Variants in NRXN3 observed in about 807,000 individuals in gnomAD.
NRXN3 encodes the protein neurexin III.
A neutral mutation model predicts 137.6 loss-of-function variants in NRXN3; 32 were observed. The observed-to-expected ratio is 0.23, with a 90% CI of 0.18 to 0.31. The LOEUF (loss-of-function observed/expected upper bound fraction) is 0.31, where lower values mean the gene tolerates loss of function less well. Ranked by LOEUF, NRXN3 falls within the 10% of genes least tolerant of loss-of-function variation. The probability of loss-of-function intolerance (pLI) is 1.00; values close to 1 mark genes in which losing one functional copy is unlikely to be tolerated. For missense variants in NRXN3, 1,574 were observed against 2,062.5 expected (o/e 0.76, Z 4.59); for synonymous variants, 798 against 784.5 (o/e 1.02, Z -0.29).
chr14:79,682,624 C>A (rs2098676211), intron 17 of NRXN3, among the ~76,000 whole-genome samples: 1 of 152,060 alleles, frequency 6.6e-6, no homozygotes, highest in Admixed American at 6.6e-5. Context: ...TCTTCAAGAT[C>A]GATACTCTCT....
intron 15 of NRXN3, among the ~76,000 whole-genome samples, chr14:79,136,393 A>G (rs2653547): frequency 0.018 from 2,690 of 152,310 alleles, 77 homozygotes; most frequent in African/African-American, 0.062. Context: ...GAAATAATCC[A>G]TAGTTTCTCC....
chr14:79,395,029 G>A (rs561992475), intron 15 of NRXN3, among the ~76,000 whole-genome samples: 1 of 152,258 alleles, frequency 6.6e-6, no homozygotes, highest in Admixed American at 6.5e-5. Context: ...ATAGAATTTA[G>A]CTTTAGCCTC....
chr14:78,277,015 A>G (rs2073696367), intron 2 of NRXN3, among the ~76,000 whole-genome samples: 1 of 152,142 alleles, frequency 6.6e-6, no homozygotes, highest in Non-Finnish European at 1.5e-5. Context: ...GAAAACCTGA[A>G]GGGGCGGTGT....
At chr14:78,334,307 G>A (rs1034174548) in intron 4 of NRXN3, among the ~76,000 whole-genome samples, 1 of 152,128 alleles carries the variant, frequency 6.6e-6, no homozygotes, top group Non-Finnish European at 1.5e-5. Flanking sequence ...TTAAAGCCAG[G>A]GCACTTTCCA....
At chr14:78,330,647 A>G (rs766428508) in intron 4 of NRXN3, among the ~76,000 whole-genome samples, 4 of 152,162 alleles carry the variant, frequency 2.6e-5, no homozygotes, top group Non-Finnish European at 5.9e-5. Context: ...GCTGAAAGCC[A>G]TTGCCATGTA....
At chr14:79,078,673 T>A (rs1201765649) in intron 15 of NRXN3, among the ~76,000 whole-genome samples, 1 of 152,216 alleles carries the variant, frequency 6.6e-6, no homozygotes, top group East Asian at 1.9e-4. Flanking sequence ...GATATATAGT[T>A]GTGTGAGATT....
chr14:78,449,127 G>C (rs1320520238), intron 4 of NRXN3, among the ~76,000 whole-genome samples: 1 of 152,116 alleles, frequency 6.6e-6, no homozygotes, highest in Non-Finnish European at 1.5e-5. Context: ...CTGATTTCTT[G>C]TCTGAACTTC....
At chr14:78,824,222 C>G (rs1401567630) in intron 10 of NRXN3, among the ~76,000 whole-genome samples, 2 of 149,336 alleles carry the variant, frequency 1.3e-5, no homozygotes, top group South Asian at 4.4e-4. Context: ...GGCATATCTA[C>G]CCTCCCTGCC....
At chr14:79,127,703 T>C (rs900412440) in intron 15 of NRXN3, among the ~76,000 whole-genome samples, 8 of 152,282 alleles carry the variant, frequency 5.3e-5, no homozygotes, top group East Asian at 1.9e-4. Flanking sequence ...TTTTTTCCAA[T>C]TCTGTGAAGA....
intron 4 of NRXN3, among the ~76,000 whole-genome samples, chr14:78,605,791 G>C (rs955315756): frequency 2.6e-5 from 4 of 152,086 alleles, no homozygotes; most frequent in African/African-American, 9.7e-5. Flanking sequence ...GTTTAAAAAA[G>C]CTTCAGTTTT....
chr14:79,506,956 A>G (rs968121306), intron 16 of NRXN3, among the ~76,000 whole-genome samples: 50 of 152,202 alleles, frequency 3.3e-4, no homozygotes, highest in Non-Finnish European at 5.3e-4. Flanking sequence ...TTGAAACTCC[A>G]AAAGTGACTT....
intron 4 of NRXN3, among the ~76,000 whole-genome samples, chr14:78,609,478 A>T (rs568230788): frequency 6.6e-6 from 1 of 152,292 alleles, no homozygotes; most frequent in Non-Finnish European, 1.5e-5. Context: ...GATATCATGA[A>T]AGTAGGCTCT....
chr14:79,768,432 G>T (rs571479775), intron 19 of NRXN3, among the ~76,000 whole-genome samples: 5 of 152,142 alleles, frequency 3.3e-5, no homozygotes, highest in Admixed American at 6.5e-5. Flanking sequence ...ATCTGAGAAC[G>T]GGCAGACTGC....
intron 10 of NRXN3, among the ~76,000 whole-genome samples, chr14:78,907,866 C>A (rs142517724): frequency 1.3e-5 from 2 of 152,118 alleles, no homozygotes; most frequent in East Asian, 3.9e-4. Context: ...TCATTTAACT[C>A]CCACTTATAA....
chr14:78,607,380 G>GT (rs1184176324), intron 4 of NRXN3, among the ~76,000 whole-genome samples: 1 of 152,166 alleles, frequency 6.6e-6, no homozygotes, highest in Non-Finnish European at 1.5e-5. Context: ...GGACCAAGGT[G>GT]TAAGAACTCA....
rs796485268 is a variant in NRXN3, at chr14:79,409,617, C to CTATATATATATATA, written c.3263-57590_3263-57577dup. On this transcript the variant is annotated intron_variant, in intron 15 of 20. Coordinates refer to ENST00000335750, the MANE Select transcript of NRXN3 (RefSeq NM_001330195.2). Reference sequence around the variant, plus strand: ...AGCAAGTGTGTGTGTGTGTGTGTGTCTATATATATATATATATATATATAT... The same window carrying CTATATATATATATA: ...AGCAAGTGTGTGTGTGTGTGTGTGTCTATATATATATATATATATATATATATATATATATATAT... Among the ~76,000 whole-genome samples, 140 of 112,098 alleles carry CTATATATATATATA rather than the reference C, an allele frequency of 1.2e-3. 1 individual carries two copies. Among genetic ancestry groups the CTATATATATATATA allele is most frequent in the Admixed American group, 2.6e-3 (27 of 10,352 alleles). 73.5% of individuals were successfully genotyped at this position (112,098 alleles called of 152,430 possible). A position where few individuals can be genotyped will look rare whatever the true frequency, so the allele number is the denominator to read the frequency against.
intron 4 of NRXN3, among the ~76,000 whole-genome samples, chr14:78,415,883 A>G (rs966220911): frequency 1.6e-4 from 24 of 152,244 alleles, no homozygotes; most frequent in Non-Finnish European, 3.4e-4. Flanking sequence ...CAAGAACCCA[A>G]CTATGCCGGC....
chr14:79,381,918 G>A (rs4899740), intron 15 of NRXN3, among the ~76,000 whole-genome samples: 109,639 of 152,062 alleles, frequency 0.72, 39,743 homozygotes, highest in Middle Eastern at 0.86. Context: ...TTCATCCTCT[G>A]GAAGCCTGCC....
intron 4 of NRXN3, among the ~76,000 whole-genome samples, chr14:78,379,216 G>A (rs1350452847): frequency 2.6e-5 from 4 of 152,094 alleles, no homozygotes; most frequent in Admixed American, 1.3e-4. Flanking sequence ...TTGCATATAA[G>A]CTCTTCTAGA....
Sources: gnomAD v4.1 joint callset for allele counts (sites outside exome capture counted in the v4.1 genomes callset) on GRCh38, gnomAD v4.1.1 for gene constraint, MANE v1.5 for transcripts, NCBI Gene and HGNC (gene_info 2026-07-23, HGNC 2026-07-21) for gene names.